Variants in NT5C2 observed in about 807,000 individuals in gnomAD.
The protein encoded by NT5C2 is 5'-nucleotidase, cytosolic II, also known as cytosolic purine 5'-nucleotidase.
NT5C2 carries 58 observed loss-of-function variants against 76.1 expected under a neutral mutation model. The observed-to-expected ratio is 0.76, with a 90% CI of 0.62 to 0.95. The LOEUF is 0.95. Ranked by LOEUF, NT5C2 falls within the 40% of genes least tolerant of loss-of-function variation. The pLI is 0.00. For missense variants in NT5C2, 478 were observed against 690.3 expected, an observed-to-expected ratio of 0.69 and a Z score of 3.45; for synonymous variants, 229 against 237.4, an observed-to-expected ratio of 0.96 and a Z score of 0.32.
chr10:103,116,742 A>AT (rs767356183), intron 4 of NT5C2, among the ~76,000 whole-genome samples: 1,843 of 141,912 alleles, frequency 0.013, 32 homozygotes, highest in African/African-American at 0.041. Context: ...CACCTGGCTA[A>AT]TTTTTTTTTT....
In NT5C2 at chr10:103,089,781, C is replaced by G; in HGVS notation, c.1577G>C (p.Arg526Pro). The change falls in exon 19 of 19, where the codon CGG (arginine) becomes CCG (proline). Residue 526 changes from arginine (R) to proline (P), a missense_variant. Coordinates refer to ENST00000404739, the MANE Select transcript of NT5C2 (RefSeq NM_001351169.2). ...GGGAGGTTTAATCTCACTAATTGAC[C>G]GTGTCAGCTGGTGCCGCTTGTAGTC... Reference protein sequence around the residue: ...DTDYKRHQLTRSISEIKPPNL... With the variant: ...DTDYKRHQLTPSISEIKPPNL... 1 of 1,613,928 alleles carries G rather than the reference C, an allele frequency of 6.2e-7. No individual in the cohort carries two copies. The highest frequency in any genetic ancestry group is 8.5e-7 in the Non-Finnish European group (1 of 1,179,976).
intron 3 of NT5C2, among the ~76,000 whole-genome samples, chr10:103,172,247 A>ATTTT (rs34644789): frequency 7.1e-6 from 1 of 141,114 alleles, no homozygotes; most frequent in African/African-American, 2.6e-5. Context: ...TTAACTTTAA[A>ATTTT]TTTTTTTTTT....
rs116066839 is a variant in NT5C2 at position 103,098,962 on chromosome 10, A to G, written c.656T>C (p.Val219Ala). 6.3e-5 allele frequency: 102 copies of G among 1,608,490 alleles called. No homozygotes were observed. In the East Asian group the frequency reaches 1.7e-3, roughly 26 times the overall value. ...HYKGSLKEKTVENLEKYVVKD... is the reference protein window; with the variant it reads ...HYKGSLKEKTAENLEKYVVKD... ...GACTACATACTTCTCAAGATTTTCA[A>G]CTGTCTTTTCCTTAAGGGAGCCCTG... The change falls in exon 10 of 19, where the codon GTT (valine) becomes GCT (alanine). Residue 219 changes from valine to alanine, a missense_variant. Coordinates refer to ENST00000404739, the MANE Select transcript of NT5C2 (RefSeq NM_001351169.2).
chr10:103,154,797 T>C (rs1046351874), intron 3 of NT5C2, among the ~76,000 whole-genome samples: 3 of 152,210 alleles, frequency 2.0e-5, no homozygotes, highest in African/African-American at 7.2e-5. Context: ...GGATTTCCAT[T>C]GACTATCCTC....
At chr10:103,132,025 G>T (rs1381488363) in intron 4 of NT5C2, among the ~76,000 whole-genome samples, 2 of 152,122 alleles carry the variant, frequency 1.3e-5, no homozygotes, top group Non-Finnish European at 1.5e-5. Context: ...TGGATCATCT[G>T]AAGTCAGGAG....
At chr10:103,129,901 G>GCCGCCCA (rs2077722657) in intron 4 of NT5C2, among the ~76,000 whole-genome samples, 15 of 44,688 alleles carry the variant, frequency 3.4e-4, no homozygotes, top group East Asian at 2.3e-3. Flanking sequence ...CCCCCCGCCC[G>GCCGCCCA]GCCAGCCGCC....
chr10:103,114,244 C>G (rs2073800223), intron 4 of NT5C2, among the ~76,000 whole-genome samples: 1 of 151,986 alleles, frequency 6.6e-6, no homozygotes, highest in African/African-American at 2.4e-5. Flanking sequence ...GAAACCCTGT[C>G]TCTACTAAAA....
At chr10:103,190,949 T>C (rs1187550323) in intron 1 of NT5C2, among the ~76,000 whole-genome samples, 5 of 152,162 alleles carry the variant, frequency 3.3e-5, no homozygotes, top group African/African-American at 1.2e-4. Flanking sequence ...AAATCCCAAA[T>C]AATATGTACA....
chr10:103,154,318 T>C (rs1401550786), intron 3 of NT5C2, among the ~76,000 whole-genome samples: 2 of 152,124 alleles, frequency 1.3e-5, no homozygotes, highest in Non-Finnish European at 2.9e-5. Flanking sequence ...TATCTTACCA[T>C]AAAGGTTTCT....
intron 2 of NT5C2, among the ~76,000 whole-genome samples, chr10:103,180,290 C>T (rs1188773269): frequency 1.3e-5 from 2 of 152,162 alleles, no homozygotes; most frequent in Non-Finnish European, 2.9e-5. Flanking sequence ...AATTCTACTA[C>T]ACTGCTGGAA....
intron 3 of NT5C2, among the ~76,000 whole-genome samples, chr10:103,165,912 C>T (rs925598856): frequency 2.6e-5 from 4 of 152,188 alleles, no homozygotes; most frequent in Admixed American, 6.5e-5. Flanking sequence ...TCAGGTGATC[C>T]GCCTGGCTTG....
intron 4 of NT5C2, chr10:103,111,874 G>T: frequency 1.0e-5 from 10 of 1,001,804 alleles, no homozygotes; most frequent in Non-Finnish European, 1.0e-5. Flanking sequence ...AAACTGTTGT[G>T]ATGGGCTGGA....
At chr10:103,130,211 G>A (rs1441193318) in intron 4 of NT5C2, among the ~76,000 whole-genome samples, 1 of 151,654 alleles carries the variant, frequency 6.6e-6, no homozygotes, top group Non-Finnish European at 1.5e-5. Context: ...TCTGCACTAA[G>A]AAAAATTCCT....
chr10:103,132,345 G>A (rs559983127), intron 4 of NT5C2, among the ~76,000 whole-genome samples: 42 of 151,988 alleles, frequency 2.8e-4, no homozygotes, highest in African/African-American at 1.0e-3. Context: ...TATGCGATTC[G>A]GGACTGGATC....
At chr10:103,091,206 T>G (rs1448462792) in intron 16 of NT5C2, among the ~76,000 whole-genome samples, 2 of 151,868 alleles carry the variant, frequency 1.3e-5, no homozygotes, top group Non-Finnish European at 2.9e-5. Context: ...CAGCTACTTT[T>G]TGTATTTCTG....
At chr10:103,173,959 G>A (rs1396683892) in intron 3 of NT5C2, among the ~76,000 whole-genome samples, 6 of 151,724 alleles carry the variant, frequency 4.0e-5, no homozygotes, top group Non-Finnish European at 1.5e-5. Flanking sequence ...AGCCAGCCGT[G>A]GTGACGCACG....
intron 4 of NT5C2, among the ~76,000 whole-genome samples, chr10:103,107,671 TA>T (rs1398383469): frequency 1.8e-3 from 261 of 141,180 alleles, no homozygotes; most frequent in Admixed American, 1.8e-3. Flanking sequence ...AGACTCTGTC[TA>T]AAAAAAAAAA....
intron 6 of NT5C2, among the ~76,000 whole-genome samples, chr10:103,103,125 T>C (rs1370613546): frequency 1.3e-5 from 2 of 152,220 alleles, no homozygotes; most frequent in Non-Finnish European, 2.9e-5. Context: ...TGACAGTGAA[T>C]ACATGGAGAT....
intron 3 of NT5C2, among the ~76,000 whole-genome samples, chr10:103,163,836 G>A (rs1200476203): frequency 7.6e-6 from 1 of 130,812 alleles, no homozygotes; most frequent in Non-Finnish European, 1.6e-5. Context: ...GGCCAACATA[G>A]TGAAACCGTC....
Sources: allele counts gnomAD v4.1 joint callset (sites outside exome capture counted in the v4.1 genomes callset), GRCh38; gene constraint gnomAD v4.1.1; transcripts MANE v1.5; gene names NCBI Gene and HGNC (gene_info 2026-07-23, HGNC 2026-07-21).